CHCHD6: variants seen among roughly 807,000 people sequenced by gnomAD.
The protein encoded by CHCHD6 is MICOS complex subunit MIC25.
Under a neutral mutation model 32.3 loss-of-function variants are expected in CHCHD6, and 28 were observed. That is an observed-to-expected ratio of 0.87 (90% CI 0.64 to 1.19). The LOEUF (loss-of-function observed/expected upper bound fraction) is 1.19, where lower values mean the gene tolerates loss of function less well. CHCHD6 is among the 50% of genes most tolerant of loss of function. The pLI is 0.00. For synonymous variants in CHCHD6, 122 were observed against 117.5 expected (o/e 1.04, Z -0.25); for missense variants, 333 against 307.0 (o/e 1.08, Z -0.63).
In CHCHD6 at chr3:126,704,240, A is replaced by G; in HGVS notation, c.-73A>G. ...TGTGCCGCGGCCGCGCGAGTCCTGG[A>G]AAGCGTTGTTGGCCCGGTTGCTCTG... On this transcript the variant is annotated 5_prime_UTR_variant, in exon 1 of 8. Transcript: ENST00000290913. 1.6e-6 allele frequency: 2 copies of G among 1,278,320 alleles called. No individual in the cohort carries two copies. Among genetic ancestry groups the G allele is most frequent in the East Asian group, 4.7e-5 (2 of 42,332 alleles). The allele number at this position is 1,278,320 out of a possible 1,614,324, so 79.2% of individuals were successfully genotyped here.
At chr3:126,908,553 A>C (rs1163424403) in intron 5 of CHCHD6, among the ~76,000 whole-genome samples, 1 of 152,208 alleles carries the variant, frequency 6.6e-6, no homozygotes, top group African/African-American at 2.4e-5. Flanking sequence ...CTTTACATTG[A>C]GGGCCTGCTC....
chr3:126,766,076 A>G (rs116404767), intron 4 of CHCHD6, among the ~76,000 whole-genome samples: 2 of 152,100 alleles, frequency 1.3e-5, no homozygotes, highest in Non-Finnish European at 2.9e-5. Flanking sequence ...TTGGATCATG[A>G]TGGTAATCAT....
At chr3:126,861,985 A>T (rs1024678456) in intron 5 of CHCHD6, among the ~76,000 whole-genome samples, 8 of 16,458 alleles carry the variant, frequency 4.9e-4, no homozygotes, top group Admixed American at 2.1e-3. Context: ...CACCATCACC[A>T]CCTCCCCCTC....
At chr3:126,716,559 A>C (rs1313835034) in intron 1 of CHCHD6, among the ~76,000 whole-genome samples, 1 of 152,030 alleles carries the variant, frequency 6.6e-6, no homozygotes, top group Non-Finnish European at 1.5e-5. Flanking sequence ...TATATACTCC[A>C]TCATGCTAGT....
At chr3:126,764,269 C>G (rs1937276144) in intron 4 of CHCHD6, among the ~76,000 whole-genome samples, 1 of 149,882 alleles carries the variant, frequency 6.7e-6, no homozygotes. Context: ...CAGGCACCTT[C>G]AACCAAATCA....
chr3:126,953,692 C>A (rs1576647131), intron 6 of CHCHD6, among the ~76,000 whole-genome samples: 5 of 152,184 alleles, frequency 3.3e-5, no homozygotes, highest in African/African-American at 1.2e-4. Context: ...TCTTTGATGC[C>A]TGTGCAAACA....
chr3:126,767,938 T>C (rs1937442073), intron 4 of CHCHD6, among the ~76,000 whole-genome samples: 1 of 152,246 alleles, frequency 6.6e-6, no homozygotes, highest in African/African-American at 2.4e-5. Context: ...CATTCTTTTT[T>C]ATGTCTGCAT....
chr3:126,904,094 A>C (rs56401030), intron 5 of CHCHD6, among the ~76,000 whole-genome samples: 8,578 of 152,260 alleles, frequency 0.056, 305 homozygotes, highest in East Asian at 0.16. Context: ...TTGAATAATC[A>C]CATTTCTCTG....
At chr3:126,785,273 A>G (rs890639264) in intron 4 of CHCHD6, among the ~76,000 whole-genome samples, 1 of 152,194 alleles carries the variant, frequency 6.6e-6, no homozygotes, top group African/African-American at 2.4e-5. Context: ...AACCAAAACA[A>G]TCTCCAGATG....
chr3:126,957,810 G>A (rs1050982519), intron 7 of CHCHD6: 4 of 559,158 alleles, frequency 7.2e-6, no homozygotes, highest in African/African-American at 3.8e-5. Context: ...GGCTGGGTGG[G>A]AGCAGGCTGG....
At chr3:126,777,449 T>C (rs539083538) in intron 4 of CHCHD6, among the ~76,000 whole-genome samples, 1 of 152,356 alleles carries the variant, frequency 6.6e-6, no homozygotes, top group East Asian at 1.9e-4. Flanking sequence ...AAATAGCCGC[T>C]TGTGTTTTGG....
intron 4 of CHCHD6, among the ~76,000 whole-genome samples, chr3:126,748,689 A>G (rs1344226614): frequency 6.6e-6 from 1 of 151,836 alleles, no homozygotes; most frequent in Non-Finnish European, 1.5e-5. Flanking sequence ...TTCAAGGGGT[A>G]TTTATCACCA....
chr3:126,718,048 G>T (rs1405505163), intron 1 of CHCHD6, among the ~76,000 whole-genome samples: 1 of 152,174 alleles, frequency 6.6e-6, no homozygotes, highest in Non-Finnish European at 1.5e-5. Flanking sequence ...TTACTCCAGG[G>T]TGAGGGCAGG....
chr3:126,919,659 A>G (rs1164684520), intron 6 of CHCHD6, among the ~76,000 whole-genome samples: 8 of 149,236 alleles, frequency 5.4e-5, no homozygotes, highest in Non-Finnish European at 4.5e-5. Context: ...TTTTCTGATA[A>G]AAGTTTTATT....
In CHCHD6 at chr3:126,863,779, A is replaced by G. The variant is rs533640009; in HGVS notation, c.495+11049A>G. On this transcript the variant is annotated intron_variant, in intron 5 of 7. Coordinates refer to ENST00000290913, the MANE Select transcript of CHCHD6 (RefSeq NM_032343.3). ...CACCACCATCACCTCCTCCTCCACC[A>G]CCATCAGCACCTTCTCCTCCTCTAC... Among the ~76,000 whole-genome samples the G allele has an allele frequency of 1.1e-3, 154 of 140,258 alleles. 1 individual carries two copies. Among genetic ancestry groups the G allele is most frequent in the South Asian group, 1.4e-3 (6 of 4,160 alleles). 92.0% of individuals were successfully genotyped at this position (140,258 alleles called of 152,430 possible).
intron 4 of CHCHD6, among the ~76,000 whole-genome samples, chr3:126,817,347 T>C (rs911281309): frequency 6.6e-6 from 1 of 151,968 alleles, no homozygotes; most frequent in African/African-American, 2.4e-5. Flanking sequence ...TTGCCTTTTT[T>C]TTTTTTTTTA....
intron 3 of CHCHD6, among the ~76,000 whole-genome samples, chr3:126,732,712 A>C (rs767247068): frequency 6.6e-6 from 1 of 152,264 alleles, no homozygotes; most frequent in African/African-American, 2.4e-5. Flanking sequence ...TGTTCAAAAC[A>C]GAGGACTACT....
intron 4 of CHCHD6, among the ~76,000 whole-genome samples, chr3:126,757,222 G>T (rs537457643): frequency 6.6e-6 from 1 of 152,262 alleles, no homozygotes; most frequent in African/African-American, 2.4e-5. Flanking sequence ...TCAGATATGG[G>T]ATGTTCAACC....
chr3:126,916,798 T>C (rs1369712096), intron 6 of CHCHD6, among the ~76,000 whole-genome samples: 1 of 152,214 alleles, frequency 6.6e-6, no homozygotes, highest in African/African-American at 2.4e-5. Flanking sequence ...GGCTGCTGAG[T>C]GACAGCTACA....
Sources: gnomAD v4.1 joint callset for allele counts (sites outside exome capture counted in the v4.1 genomes callset) on GRCh38, gnomAD v4.1.1 for gene constraint, MANE v1.5 for transcripts, NCBI Gene and HGNC (gene_info 2026-07-23, HGNC 2026-07-21) for gene names.